The following GNE variants were observed in gnomAD, a reference collection of about 807,000 sequenced individuals.
GNE encodes glucosamine (UDP-N-acetyl)-2-epimerase/N-acetylmannosamine kinase.
A neutral mutation model predicts 61.8 loss-of-function variants in GNE; 41 were observed. That is an observed-to-expected ratio of 0.66 (90% CI 0.52 to 0.86). The LOEUF is 0.86. GNE is among the 40% of genes least tolerant of loss of function. The pLI is 0.00. For missense variants in GNE, 608 were observed against 909.1 expected, an observed-to-expected ratio of 0.67 and a Z score of 4.26; for synonymous variants, 264 against 326.4, an observed-to-expected ratio of 0.81 and a Z score of 2.06.
rs1830481849 is a variant in GNE at position 36,258,340 on chromosome 9, C to T, written c.-62G>A. On this transcript the variant is annotated 5_prime_UTR_variant, in exon 1 of 12. Transcript: ENST00000642385. ...TCTCACCAGACGCCGTCAGAGGCTC[C>T]CTCCCACGCCGCCACCGCGCTCCTC... 1.0e-6 allele frequency: 1 copy of T among 985,452 alleles called. No homozygotes were observed. Among genetic ancestry groups the T allele is most frequent in the Non-Finnish European group, 1.2e-6 (1 of 829,996 alleles). 61.0% of individuals were successfully genotyped at this position (985,452 alleles called of 1,614,324 possible).
chr9:36,230,234 T>A (rs1258498862), intron 5 of GNE, among the ~76,000 whole-genome samples: 1 of 152,120 alleles, frequency 6.6e-6, no homozygotes, highest in African/African-American at 2.4e-5. Flanking sequence ...TGAGCCACTG[T>A]GCATGGCTGT....
chr9:36,223,119 C>A, intron 8 of GNE, 121 bp from the exon 9 acceptor site: 1 of 931,014 alleles, frequency 1.1e-6, no homozygotes, highest in Non-Finnish European at 1.7e-6. Flanking sequence ...CAAACGTTAC[C>A]AAGGACTGCA....
chr9:36,216,536 T>C lies in GNE; in HGVS notation c.*829A>G. On this transcript the variant is annotated 3_prime_UTR_variant, in exon 12 of 12. Transcript: ENST00000642385. ...TTTTAGTAGAGATGGGGTTTCACCA[T>C]GTTGGCCAGGCTGGTCTTGAACTCC... is the stretch of plus-strand genomic sequence containing the variant. 4.8e-6 allele frequency: 1 copy of C among 206,774 alleles called. No individual in the cohort carries two copies. 12.8% of individuals were successfully genotyped at this position (206,774 alleles called of 1,614,324 possible). A position where few individuals can be genotyped will look rare whatever the true frequency, so the allele number is the denominator to read the frequency against.
chr9:36,237,860 GC>G (rs1829461106), intron 3 of GNE, among the ~76,000 whole-genome samples: 1 of 150,562 alleles, frequency 6.6e-6, no homozygotes, highest in Non-Finnish European at 1.5e-5. Flanking sequence ...TCATTCTTAG[GC>G]CTTTGCATCC....
rs1045540608 is a variant in GNE at position 36,217,589 on chromosome 9, A to G, written c.1945T>C (p.Leu649=). 3.1e-6 allele frequency: 5 copies of G among 1,611,276 alleles called. No individual in the cohort carries two copies. The highest frequency in any genetic ancestry group is 3.4e-6 in the Non-Finnish European group (4 of 1,177,326). ...QSILRTAGTA[L]GLGVVNILHT... Reference sequence around the variant, plus strand: ...AGGATGTTCACAACCCCAAGACCCAAAGCTGTTCCAGCTATAGGGAGACAA... The same window carrying G: ...AGGATGTTCACAACCCCAAGACCCAGAGCTGTTCCAGCTATAGGGAGACAA... Residue 649 remains leucine, a synonymous_variant, in exon 12 of 12, where the codon TTG becomes CTG. Transcript: ENST00000642385.
At chr9:36,226,935 C>T (rs1160638996) in intron 7 of GNE, among the ~76,000 whole-genome samples, 1 of 152,206 alleles carries the variant, frequency 6.6e-6, no homozygotes, top group East Asian at 1.9e-4. Flanking sequence ...TCAGCATACT[C>T]CACACTCCAA....
intron 1 of GNE, among the ~76,000 whole-genome samples, chr9:36,274,163 A>G (rs2133203953): frequency 6.6e-6 from 1 of 151,330 alleles, no homozygotes; most frequent in East Asian, 2.0e-4. Context: ...TGGCAGGATC[A>G]TGGCTCACTG....
In GNE at chr9:36,215,892, A is replaced by C; in HGVS notation, c.*1473T>G. On this transcript the variant is annotated 3_prime_UTR_variant, in exon 12 of 12. Transcript: ENST00000642385. ...GTTACTCAACACAGTATGAAAGGCT[A>C]CTGAAGGAAGAAGTGTCTGCTGGTC... 1 of 177,734 alleles carries C rather than the reference A, an allele frequency of 5.6e-6. No individual in the cohort carries two copies. Among genetic ancestry groups the C allele is most frequent in the East Asian group, 1.6e-4 (1 of 6,400 alleles). 11.0% of individuals were successfully genotyped at this position (177,734 alleles called of 1,614,324 possible).
chr9:36,265,997 T>A (rs1446093273), intron 1 of GNE, among the ~76,000 whole-genome samples: 1 of 152,140 alleles, frequency 6.6e-6, no homozygotes, highest in Non-Finnish European at 1.5e-5. Flanking sequence ...TGGCGCAATC[T>A]TGGCTTCTTG....
intron 5 of GNE, among the ~76,000 whole-genome samples, chr9:36,233,558 T>A (rs901065393): frequency 1.3e-5 from 2 of 152,040 alleles, no homozygotes; most frequent in African/African-American, 4.8e-5. Flanking sequence ...TCCCAGCTAC[T>A]TGGGAGCCTG....
chr9:36,263,438 T>G (rs62541786), upstream of GNE: 27,310 of 159,146 alleles, frequency 0.17, 2,554 homozygotes, highest in Non-Finnish European at 0.21. Context: ...GGGCCCGGAT[T>G]ACAGGTATGA....
intron 8 of GNE, 122 bp downstream of exon 8, chr9:36,223,251 C>T (rs1458104918): frequency 4.2e-6 from 4 of 963,316 alleles, no homozygotes; most frequent in Non-Finnish European, 6.6e-6. Context: ...GGCCCACAGA[C>T]AGCACCTAGA....
In GNE at chr9:36,241,396, C is replaced by T. The variant is rs909214912; in HGVS notation, c.617-4412G>A. On this transcript the variant is annotated intron_variant, in intron 3 of 11. Coordinates refer to ENST00000642385, the MANE Select transcript of GNE (RefSeq NM_005476.7). The stretch of plus-strand genomic sequence containing the variant: ...TCCCAAAGTGCTGGGATTACAGGCG[C>T]GAGCCACTGTGCCCAGCAACAGTTT... Among the ~76,000 whole-genome samples, 7 of 152,058 alleles carry T rather than the reference C, an allele frequency of 4.6e-5. No homozygotes were observed. In the South Asian group the frequency reaches 6.2e-4, roughly 14 times the overall value.
rs141172610 is a variant in GNE at position 36,222,901 on chromosome 9, G to C, written c.1509C>G (p.Pro503=). 4.9e-4 allele frequency: 798 copies of C among 1,614,158 alleles called. 3 individuals carry two copies. Among genetic ancestry groups the C allele is most frequent in the South Asian group, 2.3e-3 (214 of 91,080 alleles). The change falls in exon 9 of 12, where the codon CCC becomes CCG. Residue 503 remains proline (P), a synonymous_variant. Coordinates refer to ENST00000642385, the MANE Select transcript of GNE (RefSeq NM_005476.7). ...CAGGGAGATGCAAAGTGTCAGAAAG[G>C]GGGGTCCTAAGGTCCACAGAGTTCC... ...QEWNSVDLRT[P]LSDTLHLPVW...
At chr9:36,244,877 T>A (rs1477346297) in intron 3 of GNE, among the ~76,000 whole-genome samples, 1 of 149,132 alleles carries the variant, frequency 6.7e-6, no homozygotes, top group African/African-American at 2.5e-5. Context: ...GAAGTGGAGG[T>A]TGCAGTGAGC....
chr9:36,257,802 CAAAA>C (rs60845805), intron 1 of GNE, among the ~76,000 whole-genome samples: 291 of 25,118 alleles, frequency 0.012, no homozygotes, highest in African/African-American at 0.032. Flanking sequence ...GACTCAGTCT[CAAAA>C]AAAAAAAAAA....
At position 36,224,067 on chromosome 9, in the gene GNE, G is replaced by C. The variant is rs902575010; in HGVS notation, c.1282-565C>G. Among the ~76,000 whole-genome samples the C allele has an allele frequency of 2.0e-5, 3 of 151,668 alleles. No homozygotes were observed. The East Asian group carries it at 5.9e-4, about 30-fold the overall frequency. ...GCCCCCGGCCGGGCCCCTTTCTTAA[G>C]CTTAAGTTCAATGTTCGCTAATTTG... On this transcript the variant is annotated intron_variant, in intron 7 of 11. Transcript: ENST00000642385.
intron 3 of GNE, among the ~76,000 whole-genome samples, chr9:36,241,179 G>A (rs775060698): frequency 1.3e-5 from 2 of 151,360 alleles, no homozygotes; most frequent in Non-Finnish European, 2.9e-5. Context: ...GCAGTGGCAC[G>A]ATCTTGGCTC....
At chr9:36,248,171 G>C (rs182441239) in intron 2 of GNE, among the ~76,000 whole-genome samples, 2 of 152,054 alleles carry the variant, frequency 1.3e-5, no homozygotes, top group African/African-American at 2.4e-5. Flanking sequence ...TTAACGCAAG[G>C]TTCTTTCAGA....
Sources: gnomAD v4.1 joint callset for allele counts (sites outside exome capture counted in the v4.1 genomes callset) on GRCh38, gnomAD v4.1.1 for gene constraint, MANE v1.5 for transcripts, NCBI Gene and HGNC (gene_info 2026-07-23, HGNC 2026-07-21) for gene names.